Variants in MYCBP2 observed in about 807,000 individuals in gnomAD.
MYCBP2 encodes the protein MYC binding protein 2.
In MYCBP2, 120 loss-of-function variants were observed where a neutral mutation model predicts 525.3. The ratio of observed to expected loss-of-function variants is 0.23; its 90% CI spans 0.20 to 0.27. The LOEUF (loss-of-function observed/expected upper bound fraction) is 0.27, where lower values mean the gene tolerates loss of function less well. Ranked by LOEUF, MYCBP2 falls within the 10% of genes least tolerant of loss-of-function variation. The pLI is 1.00. For synonymous variants in MYCBP2, 1,894 were observed against 1,955.8 expected (o/e 0.97, Z 0.83); for missense variants, 4,149 against 5,657.1 (o/e 0.73, Z 8.55).
intron 3 of MYCBP2, among the ~76,000 whole-genome samples, chr13:77,287,398 T>C (rs1015079125): frequency 6.6e-6 from 1 of 151,536 alleles, no homozygotes; most frequent in Non-Finnish European, 1.5e-5. Context: ...TTGGCCAGGC[T>C]GTTCTCAAAC....
At chr13:77,296,729 C>A (rs908055226) in intron 1 of MYCBP2, 55 bp from the exon 2 acceptor site, 245 of 1,187,742 alleles carry the variant, frequency 2.1e-4, no homozygotes, top group Non-Finnish European at 2.6e-4. Flanking sequence ...TTAGGACATA[C>A]AAAGCTATCA....
chr13:77,135,598 GTAACTT>G (rs1241811173), intron 52 of MYCBP2, among the ~76,000 whole-genome samples: 1 of 152,152 alleles, frequency 6.6e-6, no homozygotes, highest in African/African-American at 2.4e-5. Context: ...CTGTACTGAA[GTAACTT>G]TATCCCAGAT....
At chr13:77,174,961 T>C (rs141317634) in intron 36 of MYCBP2, among the ~76,000 whole-genome samples, 2 of 124,154 alleles carry the variant, frequency 1.6e-5, no homozygotes, top group Admixed American at 8.4e-5. Context: ...ATTATATATA[T>C]ATATTTTTTT....
At chr13:77,212,304 A>G (rs1757219024) in intron 21 of MYCBP2, 144 bp from the exon 22 acceptor site, 5 of 589,862 alleles carry the variant, frequency 8.5e-6, no homozygotes, top group Admixed American at 3.6e-5. Flanking sequence ...AATAAATACA[A>G]TATGTAAGAA....
chr13:77,099,013 C>T lies in MYCBP2; in HGVS notation c.8141G>A (p.Gly2714Asp). The T allele has an allele frequency of 6.2e-7, 1 of 1,601,284 alleles. No homozygotes were observed. The highest frequency in any genetic ancestry group is 1.1e-5 in the South Asian group (1 of 90,102). The change falls in exon 56 of 83, where the codon GGT becomes GAT. Residue 2714 changes from glycine to aspartate, a missense_variant and splice_region_variant. Physicochemically the swap from Gly to Asp is moderately conservative, Grantham distance 94. This residue lies in a region of MYCBP2 where 653 missense variants were observed against 744.7 expected (regional missense o/e 0.88). Coordinates refer to ENST00000544440, the MANE Select transcript of MYCBP2 (RefSeq NM_015057.5). ...AGATGTTGAGATGTTTCCTCGATCA[C>T]CTGTATGGTCCATTTTACAGTGAAA... ...GFDYGLGNSK[G>D]DRGNISTSSK...
chr13:77,181,722 T>G lies in MYCBP2; in HGVS notation c.4920A>C (p.Ala1640=). The G allele has an allele frequency of 6.2e-7, 1 of 1,613,928 alleles. No homozygotes were observed. The highest frequency in any genetic ancestry group is 1.7e-4 in the Middle Eastern group (1 of 5,950). ...CTACCTGGCTGAGTTTTTCCATATG[T>G]GCCACCAAAAGGGGAAAACGATGAA... ...TLVHRFPLLV[A]HMEKLSQSEE... Residue 1640 remains alanine, a synonymous_variant, in exon 33 of 83, where the codon GCA becomes GCC. Transcript: ENST00000544440.
At chr13:77,233,819 CA>C (rs1566997284) in intron 17 of MYCBP2, among the ~76,000 whole-genome samples, 3 of 150,590 alleles carry the variant, frequency 2.0e-5, no homozygotes, top group African/African-American at 7.3e-5. Context: ...AAAAACAAAA[CA>C]AAAATGTCTA....
intron 52 of MYCBP2, among the ~76,000 whole-genome samples, chr13:77,131,186 GA>G (rs1171914011): frequency 1.3e-5 from 2 of 152,138 alleles, no homozygotes; most frequent in African/African-American, 4.8e-5. Flanking sequence ...TCAAGAAGCA[GA>G]AATTTGACTA....
rs1273597202 is a variant in MYCBP2, at chr13:77,061,738, T to C, written c.12827A>G (p.Asn4276Ser). ...DGETAAIILCNVCGNLCTDCD... is the reference protein window; with the variant it reads ...DGETAAIILCSVCGNLCTDCD... ...GTCTGTACATAAATTTCCACAGACA[T>C]TGCATAAAATGATTGCTGCAGTTTC... Residue 4276 changes from asparagine to serine, a missense_variant, in exon 75 of 83, where the codon AAT (asparagine) becomes AGT (serine). Coordinates refer to ENST00000544440, the MANE Select transcript of MYCBP2 (RefSeq NM_015057.5). 2 of 1,610,762 alleles carry C rather than the reference T, an allele frequency of 1.2e-6. No individual in the cohort carries two copies. The highest frequency in any genetic ancestry group is 2.2e-5 in the South Asian group (2 of 90,650).
intron 1 of MYCBP2, among the ~76,000 whole-genome samples, chr13:77,297,921 C>G (rs1301803339): frequency 1.3e-5 from 2 of 152,220 alleles, no homozygotes; most frequent in African/African-American, 4.8e-5. Flanking sequence ...AAGCTTAACT[C>G]ATTTCTGCAC....
At chr13:77,228,833 G>T (rs2066722491) in intron 18 of MYCBP2, among the ~76,000 whole-genome samples, 1 of 151,692 alleles carries the variant, frequency 6.6e-6, no homozygotes, top group Admixed American at 6.6e-5. Context: ...ACACATATTT[G>T]TATACACAGA....
In MYCBP2 at chr13:77,270,058, A is replaced by G. The variant is rs373002519; in HGVS notation, c.1194T>C (p.His398=). 6.9e-6 allele frequency: 11 copies of G among 1,604,624 alleles called. No homozygotes were observed. The highest frequency in any genetic ancestry group is 1.1e-5 in the South Asian group (1 of 88,010). The stretch of plus-strand genomic sequence containing the variant: ...TAATACGGGATGTAGAATTGTATAT[A>G]TGGCCCTGCAAAAAAAACAAAAGTT... ...GSGYSGTVRG[H]IYNSTSRIRN... is the part of the protein sequence containing the mutation. Residue 398 remains histidine (H), a synonymous_variant, in exon 7 of 83, where the codon CAT becomes CAC. Coordinates refer to ENST00000544440, the MANE Select transcript of MYCBP2 (RefSeq NM_015057.5).
At position 77,161,383 on chromosome 13, in the gene MYCBP2, G is replaced by T. The variant is rs371905394; in HGVS notation, c.6597+523C>A. 2.0e-5 allele frequency among the ~76,000 whole-genome samples: 3 copies of T among 152,286 alleles called. No individual in the cohort carries two copies. In the East Asian group the frequency reaches 5.8e-4, roughly 29 times the overall value. ...GTTAATGCCTAAACGAGCAAAAAAG[G>T]TAAAGCAAACAATAATAAAAACAAC... On this transcript the variant is annotated intron_variant, in intron 44 of 82. Coordinates refer to ENST00000544440, the MANE Select transcript of MYCBP2 (RefSeq NM_015057.5).
chr13:77,257,986 A>C (rs1160456207), intron 13 of MYCBP2, among the ~76,000 whole-genome samples, 157 bp from the exon 14 acceptor site: 1 of 152,180 alleles, frequency 6.6e-6, no homozygotes, highest in African/African-American at 2.4e-5. Flanking sequence ...TCACTGAATT[A>C]ACTTTGTAAC....
chr13:77,315,310 A>T (rs1177959882), intron 1 of MYCBP2, among the ~76,000 whole-genome samples: 1 of 152,220 alleles, frequency 6.6e-6, no homozygotes, highest in African/African-American at 2.4e-5. Context: ...TGAGACGAGG[A>T]TAACTAATTC....
intron 4 of MYCBP2, among the ~76,000 whole-genome samples, chr13:77,275,580 T>G (rs1388340539): frequency 7.9e-5 from 12 of 152,118 alleles, no homozygotes. Context: ...TCACAGCTAC[T>G]TGGGAGGTGG....
At chr13:77,323,951 C>G (rs1177064748) in intron 1 of MYCBP2, among the ~76,000 whole-genome samples, 1 of 152,038 alleles carries the variant, frequency 6.6e-6, no homozygotes, top group Non-Finnish European at 1.5e-5. Context: ...CCTGAGATCC[C>G]TTTGACCTTT....
At chr13:77,169,798 T>C in intron 38 of MYCBP2, 84 bp from the exon 39 acceptor site, 1 of 1,192,434 alleles carries the variant, frequency 8.4e-7, no homozygotes, top group Non-Finnish European at 1.2e-6. Context: ...AAATCTATAT[T>C]CTGCTCTTTT....
rs138965285 is a variant in MYCBP2, at chr13:77,219,315, G to A, written c.2940-1358C>T. ...CACCTAACCACTCGATTTAGCAGAA[G>A]GAGGTCTCTTTGGTGGAAGCAGGCA... On this transcript the variant is annotated intron_variant, in intron 20 of 82. Coordinates refer to ENST00000544440, the MANE Select transcript of MYCBP2 (RefSeq NM_015057.5). Among the ~76,000 whole-genome samples, 300 of 152,152 alleles carry A rather than the reference G, an allele frequency of 2.0e-3. 2 individuals are homozygous for A. Among genetic ancestry groups the A allele is most frequent in the Middle Eastern group, 6.8e-3 (2 of 294 alleles).
Sources: gnomAD v4.1 joint callset for allele counts (sites outside exome capture counted in the v4.1 genomes callset) on GRCh38, gnomAD v4.1.1 for gene constraint, gnomAD v4.1.1 regional missense constraint, MANE v1.5 for transcripts, NCBI Gene and HGNC (gene_info 2026-07-23, HGNC 2026-07-21) for gene names.